Variants in PTPN13 observed in about 807,000 individuals in gnomAD.
PTPN13 encodes protein tyrosine phosphatase non-receptor type 13.
PTPN13 carries 191 observed loss-of-function variants against 284.0 expected under a neutral mutation model. The ratio of observed to expected loss-of-function variants is 0.67; its 90% CI spans 0.60 to 0.76. The LOEUF (loss-of-function observed/expected upper bound fraction) is 0.76. PTPN13 is among the 30% of genes least tolerant of loss of function. The pLI, the probability that PTPN13 is intolerant of heterozygous loss-of-function variation, is 0.00. For synonymous variants in PTPN13, 986 were observed against 1,022.3 expected (o/e 0.96, Z 0.68); for missense variants, 2,797 against 2,939.9 (o/e 0.95, Z 1.12).
At chr4:86,663,609 G>C (rs1210020764) in intron 2 of PTPN13, among the ~76,000 whole-genome samples, 1 of 152,090 alleles carries the variant, frequency 6.6e-6, no homozygotes, top group Non-Finnish European at 1.5e-5. Flanking sequence ...CATAATTATG[G>C]GGCAGCATGT....
chr4:86,766,228 A>G (rs1739296140), intron 26 of PTPN13, among the ~76,000 whole-genome samples: 1 of 152,222 alleles, frequency 6.6e-6, no homozygotes, highest in Non-Finnish European at 1.5e-5. Context: ...ATTTATTTTT[A>G]TAAAGATACT....
chr4:86,813,192 C>T (rs1009361425), intron 47 of PTPN13, among the ~76,000 whole-genome samples: 2 of 152,170 alleles, frequency 1.3e-5, no homozygotes, highest in Admixed American at 1.3e-4. Flanking sequence ...CCTTCATGCT[C>T]ACACATACTA....
At chr4:86,657,601 G>A (rs1051687693) in intron 2 of PTPN13, among the ~76,000 whole-genome samples, 2 of 152,194 alleles carry the variant, frequency 1.3e-5, no homozygotes, top group Non-Finnish European at 2.9e-5. Flanking sequence ...TTGCAGACCA[G>A]CACAGTACTG....
At chr4:86,700,994 A>C (rs773877406) in intron 6 of PTPN13, among the ~76,000 whole-genome samples, 1 of 152,202 alleles carries the variant, frequency 6.6e-6, no homozygotes, top group African/African-American at 2.4e-5. Context: ...ATAAAATAAT[A>C]CCACTCAAAA....
chr4:86,751,214 GT>G, intron 19 of PTPN13, 90 bp downstream of exon 19: 2 of 980,614 alleles, frequency 2.0e-6, no homozygotes, highest in South Asian at 3.2e-5. Flanking sequence ...ATTATTTTGG[GT>G]TCCATGTCCT....
At chr4:86,699,921 A>G (rs1351447168) in intron 6 of PTPN13, among the ~76,000 whole-genome samples, 4 of 152,192 alleles carry the variant, frequency 2.6e-5, no homozygotes, top group Admixed American at 2.0e-4. Context: ...ATCTTAGGTT[A>G]GAAGCTGGAG....
rs545682943 is a variant in PTPN13 at position 86,760,728 on chromosome 4, T to G, written c.3553+1655T>G. Among the ~76,000 whole-genome samples, 138 of 151,152 alleles carry G rather than the reference T, an allele frequency of 9.1e-4. 1 individual carries two copies. Among genetic ancestry groups the G allele is most frequent in the African/African-American group, 3.3e-3 (134 of 41,178 alleles). On this transcript the variant is annotated intron_variant, in intron 23 of 47. Transcript: ENST00000411767. ...TTCTTCTCAGCAGAGTTTTGTGTGGTTTTTTTTTCTGTCCATGCTAAATAA... is the reference window on the plus strand; with the variant it reads ...TTCTTCTCAGCAGAGTTTTGTGTGGGTTTTTTTTCTGTCCATGCTAAATAA...
chr4:86,694,788 T>A (rs182788102), intron 6 of PTPN13, among the ~76,000 whole-genome samples: 99 of 152,228 alleles, frequency 6.5e-4, no homozygotes, highest in Admixed American at 2.0e-3. Context: ...ACAGAAATAC[T>A]TTTTTAGATC....
intron 1 of PTPN13, among the ~76,000 whole-genome samples, chr4:86,614,885 C>G (rs1004728791): frequency 2.6e-5 from 4 of 151,954 alleles, no homozygotes; most frequent in African/African-American, 9.7e-5. Flanking sequence ...AAGAAAAAAA[C>G]CTGGTTGTAT....
At position 86,774,481 on chromosome 4, in the gene PTPN13, G is replaced by T; in HGVS notation, c.5458G>T (p.Asp1820Tyr). The T allele has an allele frequency of 6.2e-7, 1 of 1,605,494 alleles. No individual in the cohort carries two copies. The highest frequency in any genetic ancestry group is 1.3e-5 in the African/African-American group (1 of 74,920). The change falls in exon 33 of 48, where the codon GAT becomes TAT. Residue 1820 changes from aspartate to tyrosine, a missense_variant. Asp to Tyr is a radical substitution (Grantham distance 160). Transcript: ENST00000411767. ...IGCYVHDVIQ[D>Y]PAKSDGRLKP... ...TTGTTATGTTCATGATGTCATACAG[G>T]ATCCAGCCAAAAGTGATGGAAGGCT...
chr4:86,620,605 A>G (rs1451049525), intron 1 of PTPN13, among the ~76,000 whole-genome samples: 2 of 152,250 alleles, frequency 1.3e-5, no homozygotes, highest in Non-Finnish European at 2.9e-5. Context: ...GTACTAGAAC[A>G]TCATGTCTAA....
intron 8 of PTPN13, 30 bp downstream of exon 8, chr4:86,716,655 T>A (rs1733056276): frequency 1.5e-6 from 2 of 1,376,036 alleles, no homozygotes; most frequent in Middle Eastern, 1.8e-4. Context: ...AGCAAACTGT[T>A]TTTAAGAAAC....
rs143431417 is a variant in PTPN13 at position 86,743,277 on chromosome 4, C to G, written c.2487+1461C>G. 2.6e-3 allele frequency among the ~76,000 whole-genome samples: 394 copies of G among 152,260 alleles called. 2 individuals are homozygous for G. Among genetic ancestry groups the G allele is most frequent in the African/African-American group, 8.9e-3 (370 of 41,550 alleles). On this transcript the variant is annotated intron_variant, in intron 16 of 47. Coordinates refer to ENST00000411767, the MANE Select transcript of PTPN13 (RefSeq NM_080683.3). ...TAATTAATATGAACCTCTAACCTATCTCTGGCATTTTTTGTGTGTGATATT... is the reference window on the plus strand; with the variant it reads ...TAATTAATATGAACCTCTAACCTATGTCTGGCATTTTTTGTGTGTGATATT...
chr4:86,734,562 T>C (rs1735285301), intron 13 of PTPN13, 106 bp downstream of exon 13: 8 of 1,269,484 alleles, frequency 6.3e-6, no homozygotes, highest in Non-Finnish European at 8.5e-6. Context: ...TAATGTCTGC[T>C]TTATCATAAA....
intron 26 of PTPN13, among the ~76,000 whole-genome samples, chr4:86,766,230 A>G (rs1488120421): frequency 6.6e-6 from 1 of 152,230 alleles, no homozygotes; most frequent in East Asian, 1.9e-4. Flanking sequence ...TTATTTTTAT[A>G]AAGATACTGT....
At chr4:86,631,026 T>G (rs1164582601) in intron 1 of PTPN13, among the ~76,000 whole-genome samples, 1 of 152,158 alleles carries the variant, frequency 6.6e-6, no homozygotes, top group Admixed American at 6.6e-5. Context: ...ATTTGAAATT[T>G]TTTTCCAAAA....
chr4:86,661,178 A>G, intron 2 of PTPN13: 1 of 428,170 alleles, frequency 2.3e-6, no homozygotes, highest in Non-Finnish European at 4.6e-6. Context: ...AATCACTGCT[A>G]TGACATATCA....
intron 3 of PTPN13, among the ~76,000 whole-genome samples, chr4:86,677,239 C>G (rs1018543649): frequency 6.6e-6 from 1 of 151,574 alleles, no homozygotes; most frequent in African/African-American, 2.4e-5. Context: ...TGCACTCCAA[C>G]CTGGGCAACA....
chr4:86,711,098 C>CTTTTTTTTTTTTTTT lies in PTPN13; in HGVS notation c.1196-5427_1196-5413dup, dbSNP rs58186398. On this transcript the variant is annotated intron_variant, in intron 7 of 47. Transcript: ENST00000411767. Reference sequence around the variant, plus strand: ...GCCACCACACCTGGTTAATTATTGCCTTTTTTTTTTTTTTTTTTTGGAGAG... The same window carrying CTTTTTTTTTTTTTTT: ...GCCACCACACCTGGTTAATTATTGCCTTTTTTTTTTTTTTTTTTTTTTTTTTTTTTTTTTGGAGAG... Among the ~76,000 whole-genome samples the CTTTTTTTTTTTTTTT allele has an allele frequency of 5.1e-3, 499 of 96,992 alleles. 24 individuals carry two copies. The highest frequency in any genetic ancestry group is 0.013 in the Middle Eastern group (2 of 156). The allele number at this position is 96,992 out of a possible 152,430, so 63.6% of individuals were successfully genotyped here. A position where few individuals can be genotyped will look rare whatever the true frequency, so the allele number is the denominator to read the frequency against.
Sources: allele counts gnomAD v4.1 joint callset (sites outside exome capture counted in the v4.1 genomes callset), GRCh38; gene constraint gnomAD v4.1.1; transcripts MANE v1.5; gene names NCBI Gene and HGNC (gene_info 2026-07-23, HGNC 2026-07-21).